The following USH2A variants were observed in gnomAD, a reference collection of about 807,000 sequenced individuals.
USH2A encodes the protein Usher syndrome 2A (autosomal recessive, mild).
USH2A carries 443 observed loss-of-function variants against 538.9 expected under a neutral mutation model. That is an observed-to-expected ratio of 0.82 (90% CI 0.76 to 0.89). The LOEUF is 0.89. Among genes scored for constraint, USH2A ranks in the 40% least tolerant of loss-of-function variants. The pLI is 0.00. For synonymous variants in USH2A, 2,413 were observed against 2,273.5 expected (o/e 1.06, Z -1.75); for missense variants, 6,633 against 6,324.8 (o/e 1.05, Z -1.65).
Position 215,675,435 on chromosome 1 carries a change from A to C in USH2A, c.12476T>G (p.Leu4159Arg). The C allele has an allele frequency of 6.2e-7, 1 of 1,614,020 alleles. No homozygotes were observed. The highest frequency in any genetic ancestry group is 8.5e-7 in the Non-Finnish European group (1 of 1,179,878). ...CTTCACAGAGTGGACAGTAGGAGCC[A>C]GCTGAGAGTCTGGAGGGGCTTCATC... ...WTDEAPPDSQLAPTVHSVKST... is the reference protein window; with the variant it reads ...WTDEAPPDSQRAPTVHSVKST... Residue 4159 changes from leucine (L) to arginine (R), a missense_variant, in exon 63 of 72, where the codon CTG (leucine) becomes CGG (arginine). By Grantham distance (102) the Leu-to-Arg change is moderately radical. Transcript: ENST00000307340.
chr1:216,173,165 A>G (rs2034304646), intron 21 of USH2A, among the ~76,000 whole-genome samples: 1 of 152,166 alleles, frequency 6.6e-6, no homozygotes, highest in African/African-American at 2.4e-5. Context: ...AGTTTACAGA[A>G]AGTTATTGAG....
At chr1:216,208,461 T>A (rs764742375) in intron 15 of USH2A, among the ~76,000 whole-genome samples, 1 of 152,090 alleles carries the variant, frequency 6.6e-6, no homozygotes, top group Non-Finnish European at 1.5e-5. Flanking sequence ...TATTTTTATA[T>A]GAAATATCTA....
At chr1:216,188,126 T>C (rs746825368) in intron 20 of USH2A, among the ~76,000 whole-genome samples, 4 of 151,936 alleles carry the variant, frequency 2.6e-5, no homozygotes, top group Non-Finnish European at 5.9e-5. Flanking sequence ...AGGAGTCGTT[T>C]TAATCGCCTC....
chr1:215,920,054 G>C (rs532247513), intron 38 of USH2A, among the ~76,000 whole-genome samples: 1 of 149,612 alleles, frequency 6.7e-6, no homozygotes, highest in African/African-American at 2.5e-5. Context: ...TAAAATGTCA[G>C]TTTAGATTCT....
chr1:216,145,651 C>T (rs367855596), intron 21 of USH2A, among the ~76,000 whole-genome samples: 12 of 152,164 alleles, frequency 7.9e-5, no homozygotes, highest in Admixed American at 2.0e-4. Context: ...GTGACCTGCA[C>T]GTATACGCCC....
At chr1:216,276,549 C>T (rs2036673787) in intron 11 of USH2A, among the ~76,000 whole-genome samples, 1 of 152,068 alleles carries the variant, frequency 6.6e-6, no homozygotes, top group South Asian at 2.1e-4. Flanking sequence ...ATGAAGGAGG[C>T]TGATTATATT....
chr1:215,728,265 G>A lies in USH2A; in HGVS notation c.11831C>T (p.Ala3944Val). ...CTCCACTGAACCCTTGGAGTTACAG[G>A]CTCTGACCCGATATTCGTAGAGTGT... ...PFTLYEYRVR[A>V]CNSKGSVESL... The change falls in exon 61 of 72, where the codon GCC (alanine) becomes GTC (valine). Residue 3944 changes from alanine (A) to valine (V), a missense_variant. Physicochemically the swap from Ala to Val is moderately conservative, Grantham distance 64. Transcript: ENST00000307340. 3 of 1,614,090 alleles carry A rather than the reference G, an allele frequency of 1.9e-6. No homozygotes were observed. The highest frequency in any genetic ancestry group is 2.5e-6 in the Non-Finnish European group (3 of 1,180,030).
chr1:215,912,278 C>G (rs1009064568), intron 38 of USH2A, among the ~76,000 whole-genome samples: 2 of 151,962 alleles, frequency 1.3e-5, no homozygotes, highest in Middle Eastern at 3.4e-3. Context: ...TTGCCCAGAC[C>G]TATGTCCTAT....
At chr1:216,240,838 G>A (rs1380667000) in intron 13 of USH2A, among the ~76,000 whole-genome samples, 2 of 152,152 alleles carry the variant, frequency 1.3e-5, no homozygotes, top group East Asian at 1.9e-4. Context: ...ACAGGGGAAG[G>A]AAATCCCTAG....
At chr1:215,869,013 T>C (rs1484219565) in intron 43 of USH2A, among the ~76,000 whole-genome samples, 2 of 152,260 alleles carry the variant, frequency 1.3e-5, no homozygotes, top group African/African-American at 4.8e-5. Flanking sequence ...TGAATACATA[T>C]GCTTTTTAGC....
chr1:216,324,711 A>G (rs1293802947), intron 6 of USH2A, among the ~76,000 whole-genome samples: 1 of 152,180 alleles, frequency 6.6e-6, no homozygotes, highest in Admixed American at 6.5e-5. Context: ...TCAACATTTC[A>G]TAAATATCAT....
chr1:216,283,904 G>A (rs542587215), intron 11 of USH2A, among the ~76,000 whole-genome samples: 21 of 151,824 alleles, frequency 1.4e-4, no homozygotes, highest in South Asian at 4.2e-4. Flanking sequence ...ACCATCTCTC[G>A]TACAAAAAGA....
At chr1:215,990,828 C>G (rs1667987786) in intron 35 of USH2A, among the ~76,000 whole-genome samples, 1 of 125,360 alleles carries the variant, frequency 8.0e-6, no homozygotes, top group Non-Finnish European at 1.6e-5. Context: ...GTGGTGTGAT[C>G]TCGGCTCACC....
chr1:216,125,525 T>C (rs943465658), intron 21 of USH2A, among the ~76,000 whole-genome samples: 3 of 152,232 alleles, frequency 2.0e-5, no homozygotes, highest in Non-Finnish European at 4.4e-5. Context: ...GAAGAGTTAG[T>C]AGGCGAGCTT....
chr1:216,376,948 C>A (rs2038834079), intron 3 of USH2A, among the ~76,000 whole-genome samples: 1 of 151,902 alleles, frequency 6.6e-6, no homozygotes, highest in Non-Finnish European at 1.5e-5. Context: ...GTAGAACATC[C>A]CATTATATAA....
At position 216,250,959 on chromosome 1, in the gene USH2A, C is replaced by T. The variant is rs1039358341; in HGVS notation, c.2111G>A (p.Gly704Glu). ...TGAATTTTGGTGACAGGTAATATCT[C>T]CATCCACTGTCCCAGAGGTATTGCA... ...CNCNTSGTVD[G>E]DITCHQNSGQ... Residue 704 changes from glycine to glutamate, a missense_variant, in exon 12 of 72, where the codon GGA becomes GAA. Physicochemically the swap from Gly to Glu is moderately conservative, Grantham distance 98 (BLOSUM62 -2). Coordinates refer to ENST00000307340, the MANE Select transcript of USH2A (RefSeq NM_206933.4). The T allele has an allele frequency of 6.2e-7, 1 of 1,613,920 alleles. No homozygotes were observed.
chr1:216,333,380 A>G (rs1296983663), intron 4 of USH2A, among the ~76,000 whole-genome samples: 1 of 152,058 alleles, frequency 6.6e-6, no homozygotes, highest in Admixed American at 6.6e-5. Context: ...TAATTAATGA[A>G]CTTGAATACA....
chr1:216,392,491 CAAAAAAAAAAAAAAA>C (rs55951311), intron 3 of USH2A, among the ~76,000 whole-genome samples: 3 of 49,484 alleles, frequency 6.1e-5, no homozygotes, highest in African/African-American at 2.3e-4. Flanking sequence ...GACTCCGTCT[CAAAAAAAAAAAAAAA>C]AAAAAAAAAA....
chr1:216,108,989 G>T (rs922748273), intron 21 of USH2A, among the ~76,000 whole-genome samples: 5 of 152,066 alleles, frequency 3.3e-5, no homozygotes, highest in Non-Finnish European at 7.4e-5. Flanking sequence ...GGCTTTAATT[G>T]TATTTAGTTC....
Sources: allele counts gnomAD v4.1 joint callset (sites outside exome capture counted in the v4.1 genomes callset), GRCh38; gene constraint gnomAD v4.1.1; transcripts MANE v1.5; gene names NCBI Gene and HGNC (gene_info 2026-07-23, HGNC 2026-07-21).